The following ARHGAP24 variants were observed in gnomAD, a reference collection of about 807,000 sequenced individuals.
ARHGAP24 encodes the protein Rho GTPase activating protein 24, also known as rho GTPase-activating protein 24.
In ARHGAP24, 50 loss-of-function variants were observed where a neutral mutation model predicts 76.4. That is an observed-to-expected ratio of 0.65 (90% CI 0.52 to 0.83). The LOEUF is 0.83. ARHGAP24 is among the 40% of genes least tolerant of loss of function. The pLI, the probability that ARHGAP24 is intolerant of heterozygous loss-of-function variation, is 0.00. For missense variants in ARHGAP24, 930 were observed against 914.2 expected, an observed-to-expected ratio of 1.02 and a Z score of -0.22; for synonymous variants, 345 against 323.3, an observed-to-expected ratio of 1.07 and a Z score of -0.72.
chr4:85,886,034 A>G (rs776717372), intron 3 of ARHGAP24, among the ~76,000 whole-genome samples: 14 of 152,186 alleles, frequency 9.2e-5, no homozygotes, highest in Non-Finnish European at 2.1e-4. Context: ...CTAATGCCAT[A>G]AAGAATTTTG....
At chr4:85,865,246 T>C (rs1209228877) in intron 3 of ARHGAP24, among the ~76,000 whole-genome samples, 1 of 151,990 alleles carries the variant, frequency 6.6e-6, no homozygotes, top group Non-Finnish European at 1.5e-5. Context: ...ACTTCTTGAT[T>C]TTCTAGGTTA....
intron 1 of ARHGAP24, among the ~76,000 whole-genome samples, chr4:85,500,453 T>C (rs924854869): frequency 2.6e-5 from 4 of 152,222 alleles, no homozygotes; most frequent in Non-Finnish European, 1.5e-5. Context: ...TAAATGGTAA[T>C]AGTACTGTCC....
chr4:85,564,472 C>T (rs1015969265), intron 1 of ARHGAP24, among the ~76,000 whole-genome samples: 5 of 151,040 alleles, frequency 3.3e-5, no homozygotes, highest in Admixed American at 1.3e-4. Context: ...AGCACACCAA[C>T]ATGGCACATG....
chr4:85,600,900 A>C (rs1285820362), intron 2 of ARHGAP24, among the ~76,000 whole-genome samples: 1 of 152,216 alleles, frequency 6.6e-6, no homozygotes, highest in African/African-American at 2.4e-5. Context: ...TTATTGAAAG[A>C]ATGTAAAAAT....
At chr4:85,733,757 T>G (rs936390936) in intron 3 of ARHGAP24, among the ~76,000 whole-genome samples, 1 of 152,128 alleles carries the variant, frequency 6.6e-6, no homozygotes, top group African/African-American at 2.4e-5. Context: ...GTGTCCTAAT[T>G]TCTTCTTCTT....
intron 8 of ARHGAP24, 127 bp from the exon 9 acceptor site, chr4:85,994,456 G>T: frequency 1.1e-6 from 1 of 946,006 alleles, no homozygotes. Flanking sequence ...TCATAGTTAA[G>T]AATATGGTTT....
chr4:85,978,396 C>A (rs750721100), intron 8 of ARHGAP24, among the ~76,000 whole-genome samples: 1 of 152,166 alleles, frequency 6.6e-6, no homozygotes, highest in East Asian at 1.9e-4. Flanking sequence ...CTACCTGATA[C>A]CGTTCCTTTC....
At chr4:85,665,178 C>G (rs1261467114) in intron 2 of ARHGAP24, among the ~76,000 whole-genome samples, 2 of 152,040 alleles carry the variant, frequency 1.3e-5, no homozygotes, top group Non-Finnish European at 2.9e-5. Flanking sequence ...TAAGGACTTG[C>G]TTTATGAATC....
At chr4:85,570,918 T>C (rs1578045211) in intron 2 of ARHGAP24, 197 bp downstream of exon 2, 2 of 571,396 alleles carry the variant, frequency 3.5e-6, no homozygotes, top group East Asian at 6.1e-5. Flanking sequence ...AGAGGCAAAT[T>C]ATACTTGTCT....
intron 3 of ARHGAP24, among the ~76,000 whole-genome samples, chr4:85,808,630 CTA>C (rs149593414): frequency 0.013 from 2,041 of 152,206 alleles, 49 homozygotes; most frequent in African/African-American, 0.047. Flanking sequence ...TTCCAAAAAA[CTA>C]TAGAGAGAAG....
intron 3 of ARHGAP24, among the ~76,000 whole-genome samples, chr4:85,919,889 A>G (rs1735629671): frequency 6.6e-6 from 1 of 152,222 alleles, no homozygotes; most frequent in African/African-American, 2.4e-5. Flanking sequence ...TAAGTGGATC[A>G]GAATACAAAA....
rs771154899 is a variant in ARHGAP24 at position 85,994,736 on chromosome 4, A to G, written c.1082A>G (p.Lys361Arg). 3.1e-6 allele frequency: 5 copies of G among 1,614,046 alleles called. No homozygotes were observed. The Admixed American group carries it at 5.0e-5, about 16-fold the overall frequency. ...GCCACCATGGGGCAGTTACAGAACA[A>G]GGAGAACAATAACACCAAGGACAGC... is the stretch of plus-strand genomic sequence containing the variant. ...KKATMGQLQN[K>R]ENNNTKDSPS... Residue 361 changes from lysine to arginine, a missense_variant, in exon 9 of 10, where the codon AAG becomes AGG. Physicochemically the swap from Lys to Arg is conservative, Grantham distance 26. Transcript: ENST00000395184.
At position 85,627,186 on chromosome 4, in the gene ARHGAP24, T is replaced by C. The variant is rs145156040; in HGVS notation, c.180+56465T>C. 5.1e-3 allele frequency among the ~76,000 whole-genome samples: 775 copies of C among 152,350 alleles called. 3 individuals are homozygous for C. The highest frequency in any genetic ancestry group is 0.01 in the South Asian group (50 of 4,830). On this transcript the variant is annotated intron_variant, in intron 2 of 9. Coordinates refer to ENST00000395184, the MANE Select transcript of ARHGAP24 (RefSeq NM_001025616.3). ...GTTTTGAGTTTTTCTGCTCTGTTTT[T>C]TCCCCATCTTTGTGGTTTTATCTAC...
intron 3 of ARHGAP24, among the ~76,000 whole-genome samples, chr4:85,829,498 G>A (rs541927996): frequency 3.5e-4 from 53 of 152,284 alleles, no homozygotes; most frequent in African/African-American, 9.1e-4. Flanking sequence ...GAGCACTGTG[G>A]TATGCTGAGC....
intron 3 of ARHGAP24, among the ~76,000 whole-genome samples, chr4:85,880,939 T>C (rs1054410048): frequency 6.6e-6 from 1 of 152,208 alleles, no homozygotes; most frequent in African/African-American, 2.4e-5. Context: ...GTTAGCAACC[T>C]CCGCACACCT....
At chr4:85,567,270 AT>A (rs1232856209) in intron 1 of ARHGAP24, among the ~76,000 whole-genome samples, 1 of 152,196 alleles carries the variant, frequency 6.6e-6, no homozygotes, top group Non-Finnish European at 1.5e-5. Context: ...ATGGCTAAAA[AT>A]GGAAGCAGTG....
At chr4:85,692,605 T>G (rs1420655084) in intron 2 of ARHGAP24, among the ~76,000 whole-genome samples, 2 of 152,256 alleles carry the variant, frequency 1.3e-5, no homozygotes, top group Non-Finnish European at 2.9e-5. Context: ...CAGGTTGATC[T>G]ATTCTTCTGT....
At chr4:85,951,756 G>C (rs1335274235) in intron 5 of ARHGAP24, among the ~76,000 whole-genome samples, 1 of 152,124 alleles carries the variant, frequency 6.6e-6, no homozygotes, top group Non-Finnish European at 1.5e-5. Context: ...GAGTCAATAA[G>C]ATTCAGGTTT....
intron 8 of ARHGAP24, among the ~76,000 whole-genome samples, chr4:85,993,371 T>C (rs911767909): frequency 5.3e-5 from 8 of 152,206 alleles, no homozygotes; most frequent in Admixed American, 2.6e-4. Context: ...ACTTTAAAAT[T>C]TGAATAACAT....
Sources: gnomAD v4.1 joint callset for allele counts (sites outside exome capture counted in the v4.1 genomes callset) on GRCh38, gnomAD v4.1.1 for gene constraint, MANE v1.5 for transcripts, NCBI Gene and HGNC (gene_info 2026-07-23, HGNC 2026-07-21) for gene names.